The following HSPH1 variants were observed in gnomAD, a reference collection of about 807,000 sequenced individuals.
HSPH1 encodes heat shock protein 105 kDa.
In HSPH1, 40 loss-of-function variants were observed where a neutral mutation model predicts 100.0. The observed-to-expected ratio is 0.40, with a 90% CI of 0.31 to 0.52. HSPH1 has a LOEUF of 0.52. Among genes scored for constraint, HSPH1 ranks in the 20% least tolerant of loss-of-function variants. HSPH1 has a pLI of 0.54. For missense variants in HSPH1, 876 were observed against 1,015.1 expected, an observed-to-expected ratio of 0.86 and a Z score of 1.86; for synonymous variants, 403 against 344.0, an observed-to-expected ratio of 1.17 and a Z score of -1.90.
At position 31,153,002 on chromosome 13, in the gene HSPH1, G is replaced by A. The variant is rs766498736; in HGVS notation, c.430-51C>T. 23 of 1,233,694 alleles carry A rather than the reference G, an allele frequency of 1.9e-5. No individual in the cohort carries two copies. The Admixed American group carries it at 3.8e-4, about 20-fold the overall frequency. 76.4% of individuals were successfully genotyped at this position (1,233,694 alleles called of 1,614,324 possible). ...TTATCTAGAACACAAAATATACTTA[G>A]AAATTCCTCACAAACCACTTATAAA... On this transcript the variant is annotated intron_variant, in intron 4 of 17. Transcript: ENST00000320027.
At chr13:31,138,633 C>T (rs1217237084) in intron 16 of HSPH1, 65 bp from the exon 17 acceptor site, 2 of 1,533,772 alleles carry the variant, frequency 1.3e-6, no homozygotes, top group African/African-American at 1.4e-5. Flanking sequence ...TTTGACTCAA[C>T]TTTCCAGGAA....
Position 31,137,086 on chromosome 13 carries a change from AG to A in HSPH1, c.*231del. 1.5e-6 allele frequency: 1 copy of A among 685,360 alleles called. No homozygotes were observed. Among genetic ancestry groups the A allele is most frequent in the East Asian group, 3.0e-5 (1 of 33,348 alleles). The allele number at this position is 685,360 out of a possible 1,614,324, so 42.5% of individuals were successfully genotyped here. A position where few individuals can be genotyped will look rare whatever the true frequency, so the allele number is the denominator to read the frequency against. On this transcript the variant is annotated 3_prime_UTR_variant, in exon 18 of 18. Coordinates refer to ENST00000320027, the MANE Select transcript of HSPH1 (RefSeq NM_006644.4). The stretch of plus-strand genomic sequence containing the variant: ...ATGCAAATGGTGAGACTGCACAGAA[AG>A]CTTAGTATGAATTCACAATTCCACA...
intron 9 of HSPH1, 130 bp from the exon 10 acceptor site, chr13:31,148,222 G>A (rs1956340177): frequency 1.8e-6 from 2 of 1,121,576 alleles, no homozygotes; most frequent in Non-Finnish European, 1.3e-6. Context: ...ACCAAAATGA[G>A]AGAAATATTT....
rs1350542789 is a variant in HSPH1, at chr13:31,136,352, T to C, written c.*966A>G. Reference sequence around the variant, plus strand: ...CACTCACACAAATATACCCCCATCATTAGGGGTAAAAGGCTCCAAGGATGT... The same window carrying C: ...CACTCACACAAATATACCCCCATCACTAGGGGTAAAAGGCTCCAAGGATGT... On this transcript the variant is annotated 3_prime_UTR_variant, in exon 18 of 18. Transcript: ENST00000320027. 1 of 152,136 alleles carries C rather than the reference T, an allele frequency of 6.6e-6. No individual in the cohort carries two copies. The highest frequency in any genetic ancestry group is 2.4e-5 in the African/African-American group (1 of 41,428). The allele number at this position is 152,136 out of a possible 1,614,324, so 9.4% of individuals were successfully genotyped here. A position where few individuals can be genotyped will look rare whatever the true frequency, so the allele number is the denominator to read the frequency against.
intron 12 of HSPH1, among the ~76,000 whole-genome samples, chr13:31,143,484 T>C (rs971742438): frequency 3.9e-4 from 60 of 152,156 alleles, no homozygotes; most frequent in Admixed American, 2.3e-3. Context: ...AAGTTCTGCC[T>C]TTGGTATTAG....
chr13:31,138,726 T>C (rs1955975174), intron 16 of HSPH1, 55 bp downstream of exon 16: 5 of 1,570,672 alleles, frequency 3.2e-6, no homozygotes, highest in African/African-American at 2.8e-5. Flanking sequence ...GCTTAAGTGT[T>C]AGCTTATTAA....
intron 10 of HSPH1, 79 bp from the exon 11 acceptor site, chr13:31,145,847 G>A (rs968047417): frequency 3.8e-5 from 52 of 1,360,044 alleles, no homozygotes; most frequent in Admixed American, 5.5e-5. Flanking sequence ...GAGGCCAGGT[G>A]GGTGGTTCAT....
rs563871924 is a variant in HSPH1 at position 31,154,968 on chromosome 13, A to C, written c.307-213T>G. ...AAGAGAAAAAAAGAAAAAGGAAGAA[A>C]GAACTTCTACCTAAAGATGAAGAGG... is the stretch of plus-strand genomic sequence containing the variant. On this transcript the variant is annotated intron_variant, in intron 3 of 17. Transcript: ENST00000320027. Among the ~76,000 whole-genome samples, 295 of 152,326 alleles carry C rather than the reference A, an allele frequency of 1.9e-3. 2 individuals are homozygous for C. The highest frequency in any genetic ancestry group is 3.5e-3 in the Non-Finnish European group (238 of 68,030).
At chr13:31,146,080 A>G (rs1956256749) in intron 10 of HSPH1, among the ~76,000 whole-genome samples, 1 of 152,186 alleles carries the variant, frequency 6.6e-6, no homozygotes, top group Non-Finnish European at 1.5e-5. Context: ...GGTAGCATTG[A>G]GCTATGATCA....
rs188270579 is a variant in HSPH1 at position 31,156,172 on chromosome 13, C to T, written c.166-518G>A. On this transcript the variant is annotated intron_variant, in intron 2 of 17. Coordinates refer to ENST00000320027, the MANE Select transcript of HSPH1 (RefSeq NM_006644.4). The stretch of plus-strand genomic sequence containing the variant: ...TTGGGAGGCCAAGGCGGGTGGATCA[C>T]GAGGTCAGGAGATGGAGACCATCCT... 4.0e-3 allele frequency among the ~76,000 whole-genome samples: 603 copies of T among 152,266 alleles called. 1 individual carries two copies. The highest frequency in any genetic ancestry group is 5.9e-3 in the Non-Finnish European group (398 of 68,022).
At chr13:31,151,465 C>G in intron 6 of HSPH1, 144 bp downstream of exon 6, 5 of 775,028 alleles carry the variant, frequency 6.5e-6, no homozygotes, top group Non-Finnish European at 9.9e-6. Flanking sequence ...GGAGCTCAAC[C>G]TTAGCAACCG....
rs73171026 is a variant in HSPH1 at position 31,138,435 on chromosome 13, C to T, written c.2342G>A (p.Arg781His). The change falls in exon 17 of 18, where the codon CGT becomes CAT. Residue 781 changes from arginine to histidine, a missense_variant. Physicochemically the swap from Arg to His is conservative, Grantham distance 29. Coordinates refer to ENST00000320027, the MANE Select transcript of HSPH1 (RefSeq NM_006644.4). ...KKSLDQDPVVRAQEIKTKIKE... is the reference protein window; with the variant it reads ...KKSLDQDPVVHAQEIKTKIKE... The stretch of plus-strand genomic sequence containing the variant: ...GATTTTTGTTTTAATTTCCTGAGCA[C>T]GTACAACTGGATCCTGATCAAGACT... 4.1e-3 allele frequency: 6,646 copies of T among 1,613,016 alleles called. 24 individuals carry two copies. The highest frequency in any genetic ancestry group is 4.7e-3 in the Non-Finnish European group (5,517 of 1,179,322).
intron 10 of HSPH1, among the ~76,000 whole-genome samples, chr13:31,146,260 T>G (rs909804218): frequency 1.3e-5 from 2 of 152,218 alleles, no homozygotes; most frequent in African/African-American, 4.8e-5. Context: ...ATTGAAGTCC[T>G]CTAATATATA....
Position 31,138,586 on chromosome 13 carries a change from G to A in HSPH1, c.2209-18C>T, listed in dbSNP as rs570697352. ...TTCTCATCCTGAACAAAAATAACAC[G>A]GTCATTCTGTAGAATTTATTGAACA... is the stretch of plus-strand genomic sequence containing the variant. On this transcript the variant is annotated intron_variant, in intron 16 of 17. Transcript: ENST00000320027. 1.9e-5 allele frequency: 31 copies of A among 1,592,172 alleles called. No individual in the cohort carries two copies. Among genetic ancestry groups the A allele is most frequent in the African/African-American group, 6.8e-5 (5 of 73,596 alleles).
In HSPH1 at chr13:31,150,940, G is replaced by C; in HGVS notation, c.908+7C>G. On this transcript the variant is annotated splice_region_variant and intron_variant, in intron 7 of 17. Coordinates refer to ENST00000320027, the MANE Select transcript of HSPH1 (RefSeq NM_006644.4). ...CATCTATTTAATCTGTAGAATTCAA[G>C]ACACACCTGTTCATCTTTCCGGAAA... The C allele has an allele frequency of 5.0e-6, 8 of 1,607,614 alleles. No individual in the cohort carries two copies. Among genetic ancestry groups the C allele is most frequent in the Non-Finnish European group, 6.8e-6 (8 of 1,177,056 alleles).
chr13:31,145,574 G>A lies in HSPH1; in HGVS notation c.1573C>T (p.Pro525Ser). 1.9e-6 allele frequency: 3 copies of A among 1,612,812 alleles called. No individual in the cohort carries two copies. Among genetic ancestry groups the A allele is most frequent in the Non-Finnish European group, 2.5e-6 (3 of 1,179,328 alleles). The change falls in exon 11 of 18, where the codon CCA (proline) becomes TCA (serine). Residue 525 changes from proline to serine, a missense_variant. Pro to Ser is a moderately conservative substitution (Grantham distance 74). Coordinates refer to ENST00000320027, the MANE Select transcript of HSPH1 (RefSeq NM_006644.4). ...ECLNQRPPENPDTDKNVQQDN... is the reference protein window; with the variant it reads ...ECLNQRPPENSDTDKNVQQDN... ...ATCCACAAACTTACATCAGTGTCTGGGTTTTCTGGTGGTCTCTGATTCAGA... is the reference window on the plus strand; with the variant it reads ...ATCCACAAACTTACATCAGTGTCTGAGTTTTCTGGTGGTCTCTGATTCAGA...
Position 31,136,397 on chromosome 13 carries a change from G to A in HSPH1, c.*921C>T, listed in dbSNP as rs144313357. 1 of 152,100 alleles carries A rather than the reference G, an allele frequency of 6.6e-6. No individual in the cohort carries two copies. Among genetic ancestry groups the A allele is most frequent in the East Asian group, 1.9e-4 (1 of 5,180 alleles). The allele number at this position is 152,100 out of a possible 1,614,324, so 9.4% of individuals were successfully genotyped here. On this transcript the variant is annotated 3_prime_UTR_variant, in exon 18 of 18. Transcript: ENST00000320027. Reference sequence around the variant, plus strand: ...GGATGTATAACGAAGTGTTAACAATGTTTTCTTCTGGGTGGCAAGATTTTA... The same window carrying A: ...GGATGTATAACGAAGTGTTAACAATATTTTCTTCTGGGTGGCAAGATTTTA...
At chr13:31,157,233 A>G (rs1184158506) in intron 2 of HSPH1, among the ~76,000 whole-genome samples, 1 of 152,242 alleles carries the variant, frequency 6.6e-6, no homozygotes, top group Non-Finnish European at 1.5e-5. Context: ...TCAAGTAATC[A>G]CAAGGATGCA....
In HSPH1 at chr13:31,147,961, AT is replaced by A; in HGVS notation, c.1375del (p.Ile459Ter). The A allele has an allele frequency of 6.3e-7, 1 of 1,585,646 alleles. No individual in the cohort carries two copies. Among genetic ancestry groups the A allele is most frequent in the Non-Finnish European group, 8.5e-7 (1 of 1,172,464 alleles). On this transcript the variant is annotated frameshift_variant, in exon 10 of 18. Transcript: ENST00000320027. LOFTEE classifies it high-confidence loss of function. ...PQGVPYPEAK[I>X]GRFVVQNVSA... Reference sequence around the variant, plus strand: ...AATATACACAATGAACTCCTTACCTATTTTTGCTTCTGGATATGGAACTCCT... The same window carrying A: ...AATATACACAATGAACTCCTTACCTATTTTGCTTCTGGATATGGAACTCCT...
Sources: gnomAD v4.1 joint callset for allele counts (sites outside exome capture counted in the v4.1 genomes callset) on GRCh38, gnomAD v4.1.1 for gene constraint, MANE v1.5 for transcripts, NCBI Gene and HGNC (gene_info 2026-07-23, HGNC 2026-07-21) for gene names.